Variants in SCAPER observed in about 807,000 individuals in gnomAD.
SCAPER encodes S phase cyclin A-associated protein in the endoplasmic reticulum.
SCAPER carries 98 observed loss-of-function variants against 182.2 expected under a neutral mutation model. The observed-to-expected ratio is 0.54, with a 90% CI of 0.46 to 0.64. The LOEUF (loss-of-function observed/expected upper bound fraction) is 0.64. Among genes scored for constraint, SCAPER ranks in the 30% least tolerant of loss-of-function variants. SCAPER has a pLI of 0.00. For missense variants in SCAPER, 1,432 were observed against 1,690.0 expected (o/e 0.85, Z 2.68); for synonymous variants, 605 against 564.6 (o/e 1.07, Z -1.01).
intron 23 of SCAPER, among the ~76,000 whole-genome samples, chr15:76,514,571 A>G (rs1410308538): frequency 6.6e-6 from 1 of 152,208 alleles, no homozygotes. Flanking sequence ...TCAGGGAGGA[A>G]GGCCTTCAAA....
chr15:76,813,043 TA>T (rs2066760901), intron 5 of SCAPER, among the ~76,000 whole-genome samples: 1 of 151,410 alleles, frequency 6.6e-6, no homozygotes, highest in Admixed American at 6.6e-5. Context: ...AATTCAACAA[TA>T]CATCAAAAAG....
chr15:76,454,759 T>C (rs1278629719), intron 25 of SCAPER, among the ~76,000 whole-genome samples: 1 of 152,164 alleles, frequency 6.6e-6, no homozygotes, highest in African/African-American at 2.4e-5. Flanking sequence ...AAATCACACA[T>C]TTTATCTTCC....
At chr15:76,819,003 G>A (rs537087024) in intron 5 of SCAPER, among the ~76,000 whole-genome samples, 46 of 152,320 alleles carry the variant, frequency 3.0e-4, no homozygotes, top group South Asian at 1.0e-3. Flanking sequence ...CACAGCAGTC[G>A]GAGATCAAAC....
intron 16 of SCAPER, among the ~76,000 whole-genome samples, chr15:76,729,295 T>TACACACACACACACACAC (rs57440824): frequency 6.9e-6 from 1 of 144,196 alleles, no homozygotes; most frequent in East Asian, 2.0e-4. Flanking sequence ...TATATACACA[T>TACACACACACACACACAC]ACACACACAC....
chr15:76,615,146 T>A (rs1483254119), intron 22 of SCAPER, among the ~76,000 whole-genome samples: 2 of 152,116 alleles, frequency 1.3e-5, no homozygotes, highest in Non-Finnish European at 2.9e-5. Flanking sequence ...GCCTTGGACT[T>A]GATGGATTCA....
intron 16 of SCAPER, among the ~76,000 whole-genome samples, chr15:76,729,392 T>C (rs568893624): frequency 1.2e-4 from 19 of 152,054 alleles, no homozygotes; most frequent in Admixed American, 1.3e-4. Context: ...ACTTAATATA[T>C]GTTTTCTGAT....
At chr15:76,562,307 A>G (rs899747848) in intron 23 of SCAPER, among the ~76,000 whole-genome samples, 1 of 152,136 alleles carries the variant, frequency 6.6e-6, no homozygotes, top group African/African-American at 2.4e-5. Context: ...AATCTGACAT[A>G]CTAATATTAA....
chr15:76,807,742 C>T (rs889616347), intron 5 of SCAPER, among the ~76,000 whole-genome samples: 4 of 141,476 alleles, frequency 2.8e-5, no homozygotes, highest in African/African-American at 1.1e-4. Context: ...ATTTTAACTT[C>T]AATGTTTAGA....
chr15:76,886,815 C>T (rs1300035986), intron 1 of SCAPER, among the ~76,000 whole-genome samples: 2 of 152,142 alleles, frequency 1.3e-5, no homozygotes, highest in African/African-American at 4.8e-5. Flanking sequence ...GAATACTATG[C>T]AGTCATTAAA....
intron 5 of SCAPER, among the ~76,000 whole-genome samples, chr15:76,819,224 C>T (rs930433319): frequency 5.3e-5 from 8 of 152,212 alleles, no homozygotes; most frequent in African/African-American, 1.7e-4. Flanking sequence ...TCTCTGACAG[C>T]TTTGAAGACA....
At chr15:76,731,273 T>C (rs1390283832) in intron 16 of SCAPER, among the ~76,000 whole-genome samples, 2 of 152,152 alleles carry the variant, frequency 1.3e-5, no homozygotes, top group African/African-American at 4.8e-5. Context: ...CAGGGAGGTG[T>C]TTAAGGCAGC....
rs771124614 is a variant in SCAPER at position 76,594,211 on chromosome 15, G to A, written c.2712-19927C>T. Reference sequence around the variant, plus strand: ...GGATCAATAGCTGAATCAACCAAGCGGAAGAAAGGATATCAGAGACTGAAG... The same window carrying A: ...GGATCAATAGCTGAATCAACCAAGCAGAAGAAAGGATATCAGAGACTGAAG... On this transcript the variant is annotated intron_variant, in intron 22 of 31. Coordinates refer to ENST00000563290, the MANE Select transcript of SCAPER (RefSeq NM_020843.4). Among the ~76,000 whole-genome samples, 4 of 118,704 alleles carry A rather than the reference G, an allele frequency of 3.4e-5. 2 individuals are homozygous for A. Among genetic ancestry groups the A allele is most frequent in the African/African-American group, 5.1e-5 (2 of 39,100 alleles). The allele number at this position is 118,704 out of a possible 152,430, so 77.9% of individuals were successfully genotyped here.
At chr15:76,606,803 T>C (rs566481519) in intron 22 of SCAPER, among the ~76,000 whole-genome samples, 21 of 152,222 alleles carry the variant, frequency 1.4e-4, no homozygotes, top group African/African-American at 3.9e-4. Flanking sequence ...TCTTTGTTGG[T>C]TTAAAGTCTG....
intron 8 of SCAPER, among the ~76,000 whole-genome samples, chr15:76,779,876 A>G (rs113370430): frequency 2.0e-5 from 3 of 152,360 alleles, no homozygotes; most frequent in African/African-American, 7.2e-5. Context: ...ATGCCATCCC[A>G]GTTCACCATT....
chr15:76,748,620 A>T (rs1443124797), intron 15 of SCAPER, among the ~76,000 whole-genome samples: 1 of 151,528 alleles, frequency 6.6e-6, no homozygotes, highest in African/African-American at 2.4e-5. Flanking sequence ...TCTAGTATCC[A>T]GAACATACAA....
At chr15:76,629,134 C>T (rs1235745970) in intron 21 of SCAPER, among the ~76,000 whole-genome samples, 1 of 152,008 alleles carries the variant, frequency 6.6e-6, no homozygotes, top group African/African-American at 2.4e-5. Context: ...TGAGACTTTG[C>T]TTATCAGCTT....
At chr15:76,575,370 C>CA (rs2047741440) in intron 22 of SCAPER, among the ~76,000 whole-genome samples, 1 of 152,178 alleles carries the variant, frequency 6.6e-6, no homozygotes, top group African/African-American at 2.4e-5. Context: ...CCACTCTCTT[C>CA]AAAAGTCCAC....
At chr15:76,510,910 A>G (rs2041979680) in intron 23 of SCAPER, among the ~76,000 whole-genome samples, 1 of 151,524 alleles carries the variant, frequency 6.6e-6, no homozygotes, top group African/African-American at 2.4e-5. Flanking sequence ...CGTATGGAAT[A>G]CTACTCAGCC....
intron 17 of SCAPER, among the ~76,000 whole-genome samples, chr15:76,723,535 A>G (rs1339351067): frequency 6.6e-6 from 1 of 152,156 alleles, no homozygotes; most frequent in Non-Finnish European, 1.5e-5. Flanking sequence ...GTGGGGTGTT[A>G]AAGTCTCCCA....
Sources: gnomAD v4.1 joint callset for allele counts (sites outside exome capture counted in the v4.1 genomes callset) on GRCh38, gnomAD v4.1.1 for gene constraint, MANE v1.5 for transcripts, NCBI Gene and HGNC (gene_info 2026-07-23, HGNC 2026-07-21) for gene names.